The following GABBR2 variants were observed in gnomAD, a reference collection of about 807,000 sequenced individuals.
The protein encoded by GABBR2 is gamma-aminobutyric acid type B receptor subunit 2, also known as G-protein coupled receptor 51.
Under a neutral mutation model 105.6 loss-of-function variants are expected in GABBR2, and 23 were observed. The ratio of observed to expected loss-of-function variants is 0.22; its 90% confidence interval spans 0.16 to 0.31. The LOEUF (loss-of-function observed/expected upper bound fraction) is 0.31. GABBR2 is among the 10% of genes least tolerant of loss of function. The pLI, the probability that GABBR2 is intolerant of heterozygous loss-of-function variation, is 1.00. For missense variants in GABBR2, 734 were observed against 1,245.5 expected (o/e 0.59, Z 6.18); for synonymous variants, 478 against 499.7 (o/e 0.96, Z 0.58).
At chr9:98,491,703 A>C (rs1588192407) in intron 4 of GABBR2, among the ~76,000 whole-genome samples, 2 of 151,834 alleles carry the variant, frequency 1.3e-5, no homozygotes, top group East Asian at 3.9e-4. Flanking sequence ...CTTTTAAAAA[A>C]TTCATCTCTT....
chr9:98,424,488 T>C (rs1375513634), intron 7 of GABBR2, among the ~76,000 whole-genome samples: 2 of 152,042 alleles, frequency 1.3e-5, no homozygotes, highest in Non-Finnish European at 2.9e-5. Context: ...CCAGGGCAAT[T>C]AGGCAGGAGA....
intron 7 of GABBR2, among the ~76,000 whole-genome samples, chr9:98,435,136 C>T (rs1825879537): frequency 6.6e-6 from 1 of 152,188 alleles, no homozygotes; most frequent in Admixed American, 6.5e-5. Context: ...TGGACCTGAT[C>T]TTTGCTTCTG....
At chr9:98,523,103 G>T in intron 3 of GABBR2, among the ~76,000 whole-genome samples, 1 of 152,138 alleles carries the variant, frequency 6.6e-6, no homozygotes, top group Non-Finnish European at 1.5e-5. Flanking sequence ...TTTCATCAAA[G>T]CTGTAATCAA....
intron 1 of GABBR2, among the ~76,000 whole-genome samples, chr9:98,626,063 A>T: frequency 6.6e-6 from 1 of 152,230 alleles, no homozygotes; most frequent in East Asian, 1.9e-4. Context: ...GAGAAGAAGC[A>T]CTGCAGCCGT....
chr9:98,318,197 A>T (rs1377771680), intron 13 of GABBR2, among the ~76,000 whole-genome samples: 2 of 152,216 alleles, frequency 1.3e-5, no homozygotes, highest in African/African-American at 4.8e-5. Context: ...GTTAAAATGC[A>T]GATTCAGGTG....
intron 1 of GABBR2, among the ~76,000 whole-genome samples, chr9:98,659,630 C>T (rs1232378915): frequency 6.7e-6 from 1 of 150,348 alleles, no homozygotes; most frequent in Non-Finnish European, 1.5e-5. Context: ...AAACAATTCT[C>T]CTGCCTCAGC....
At chr9:98,471,272 C>T (rs539521420) in intron 6 of GABBR2, among the ~76,000 whole-genome samples, 1 of 152,290 alleles carries the variant, frequency 6.6e-6, no homozygotes, top group African/African-American at 2.4e-5. Context: ...GAAGCCACCT[C>T]AATGGTCCTG....
intron 3 of GABBR2, among the ~76,000 whole-genome samples, chr9:98,540,480 C>T (rs1828275018): frequency 6.6e-6 from 1 of 152,172 alleles, no homozygotes; most frequent in African/African-American, 2.4e-5. Context: ...CTCTCCTTCC[C>T]ATGGAAGAGA....
intron 7 of GABBR2, among the ~76,000 whole-genome samples, chr9:98,437,901 C>T (rs1825955962): frequency 6.6e-6 from 1 of 151,404 alleles, no homozygotes. Context: ...ATCCATCCAC[C>T]TACCCACCAC....
intron 1 of GABBR2, among the ~76,000 whole-genome samples, chr9:98,647,881 A>G (rs1830047396): frequency 6.6e-6 from 1 of 152,150 alleles, no homozygotes; most frequent in South Asian, 2.1e-4. Flanking sequence ...CAGTTATTCA[A>G]GTACAATTCT....
intron 1 of GABBR2, among the ~76,000 whole-genome samples, chr9:98,629,907 T>C (rs920500842): frequency 2.0e-5 from 3 of 152,224 alleles, no homozygotes; most frequent in Non-Finnish European, 4.4e-5. Context: ...AAGATGAATA[T>C]ATTAATATTA....
At position 98,454,029 on chromosome 9, in the gene GABBR2, G is replaced by A; in HGVS notation, c.1188C>T (p.Gly396=). The A allele has an allele frequency of 6.2e-7, 1 of 1,614,200 alleles. No homozygotes were observed. The highest frequency in any genetic ancestry group is 1.7e-5 in the Admixed American group (1 of 60,028). Residue 396 remains glycine, a synonymous_variant, in exon 7 of 19, where the codon GGC becomes GGT. Transcript: ENST00000259455. The surrounding 1 kb of genome is among the most constrained non-coding windows in gnomAD (Gnocchi z 4.6). ...CGTTCATGGCATTGAGGATGATCCT[G>A]CCCAGCGTGTGGTCCGTGTAGTTGA... ...QDFNYTDHTL[G]RIILNAMNET...
rs1430192079 is a variant in GABBR2, at chr9:98,290,741, C to T, written c.2669G>A (p.Arg890His). Residue 890 changes from arginine (R) to histidine (H), a missense_variant, in exon 19 of 19, where the codon CGT (arginine) becomes CAT (histidine). Transcript: ENST00000259455. ...GATGGGGAGCTGGAGGGACAGCCGA[C>T]GCTGGATGCTGAAGAGAAGGAGAGG... ...EDINSPEHIQRRLSLQLPILH... is the reference protein window; with the variant it reads ...EDINSPEHIQHRLSLQLPILH... 8.8e-6 allele frequency: 13 copies of T among 1,483,310 alleles called. No individual in the cohort carries two copies. Among genetic ancestry groups the T allele is most frequent in the Non-Finnish European group, 1.2e-5 (13 of 1,127,698 alleles). The allele number at this position is 1,483,310 out of a possible 1,614,324, so 91.9% of individuals were successfully genotyped here.
At chr9:98,295,111 T>A (rs569734624) in intron 17 of GABBR2, among the ~76,000 whole-genome samples, 2 of 152,360 alleles carry the variant, frequency 1.3e-5, no homozygotes, top group African/African-American at 4.8e-5. Flanking sequence ...ATTTGCGAAC[T>A]CTTCTTCTGA....
At position 98,442,751 on chromosome 9, in the gene GABBR2, C is replaced by T. The variant is rs150593076; in HGVS notation, c.1236+11230G>A. Among the ~76,000 whole-genome samples, 7 of 152,296 alleles carry T rather than the reference C, an allele frequency of 4.6e-5. No individual in the cohort carries two copies. In the East Asian group the frequency reaches 1.2e-3, roughly 25 times the overall value. Reference sequence around the variant, plus strand: ...TGGCAAGGCCACTTCCTTCTGAGGGCTGTGAAGGAGGATCAGTCACCTTCT... The same window carrying T: ...TGGCAAGGCCACTTCCTTCTGAGGGTTGTGAAGGAGGATCAGTCACCTTCT... On this transcript the variant is annotated intron_variant, in intron 7 of 18. Transcript: ENST00000259455.
rs189160289 is a variant in GABBR2, at chr9:98,452,555, T to C, written c.1236+1426A>G. On this transcript the variant is annotated intron_variant, in intron 7 of 18. Coordinates refer to ENST00000259455, the MANE Select transcript of GABBR2 (RefSeq NM_005458.8). The stretch of plus-strand genomic sequence containing the variant: ...CTACTTCCTATGGATGGCATAAGGA[T>C]ATGGTGTAATCATTATTAACAGTAA... Among the ~76,000 whole-genome samples the C allele has an allele frequency of 1.8e-3, 280 of 152,340 alleles. 2 individuals are homozygous for C. Among genetic ancestry groups the C allele is most frequent in the African/African-American group, 6.1e-3 (253 of 41,570 alleles).
At chr9:98,691,957 C>G (rs1356072760) in intron 1 of GABBR2, among the ~76,000 whole-genome samples, 1 of 152,216 alleles carries the variant, frequency 6.6e-6, no homozygotes, top group African/African-American at 2.4e-5. Context: ...GTATTTGACA[C>G]TATTATGACA....
Position 98,644,033 on chromosome 9 carries a change from T to G in GABBR2, c.321+64384A>C, listed in dbSNP as rs368402189. On this transcript the variant is annotated intron_variant, in intron 1 of 18. Transcript: ENST00000259455. Reference sequence around the variant, plus strand: ...CTGAAATTAGCTAGAACTGAGTTTCTGTCACTTACAACCCAGAATACCATC... The same window carrying G: ...CTGAAATTAGCTAGAACTGAGTTTCGGTCACTTACAACCCAGAATACCATC... Among the ~76,000 whole-genome samples, 21 of 152,352 alleles carry G rather than the reference T, an allele frequency of 1.4e-4. No homozygotes were observed. In the East Asian group the frequency reaches 2.3e-3, roughly 17 times the overall value.
At position 98,338,498 on chromosome 9, in the gene GABBR2, A is replaced by G. The variant is rs78319347; in HGVS notation, c.1893+24217T>C. 3.6e-3 allele frequency among the ~76,000 whole-genome samples: 547 copies of G among 152,342 alleles called. 6 individuals carry two copies. The highest frequency in any genetic ancestry group is 0.013 in the African/African-American group (526 of 41,576). On this transcript the variant is annotated intron_variant, in intron 13 of 18. Coordinates refer to ENST00000259455, the MANE Select transcript of GABBR2 (RefSeq NM_005458.8). ...ACATTTCTCCAACAAAGATACATAA[A>G]TGGCCAATAAGCATGTAAAAAGACA...
Sources: allele counts gnomAD v4.1 joint callset (sites outside exome capture counted in the v4.1 genomes callset), GRCh38; gene constraint gnomAD v4.1.1; non-coding constraint Gnocchi (gnomAD v3.1); transcripts MANE v1.5; gene names NCBI Gene and HGNC (gene_info 2026-07-23, HGNC 2026-07-21).